The following CDH13 variants were observed in gnomAD, a reference collection of about 807,000 sequenced individuals.
CDH13 encodes cadherin 13.
CDH13 carries 24 observed loss-of-function variants against 63.8 expected under a neutral mutation model. The observed-to-expected ratio is 0.38, with a 90% CI of 0.27 to 0.53. The LOEUF (loss-of-function observed/expected upper bound fraction) is 0.53. Ranked by LOEUF, CDH13 falls within the 20% of genes least tolerant of loss-of-function variation. The pLI is 0.85. For synonymous variants in CDH13, 503 were observed against 355.3 expected (o/e 1.42, Z -4.67); for missense variants, 1,049 against 903.1 (o/e 1.16, Z -2.07).
At chr16:83,756,838 G>A (rs1913549771) in intron 11 of CDH13, among the ~76,000 whole-genome samples, 1 of 152,164 alleles carries the variant, frequency 6.6e-6, no homozygotes, top group African/African-American at 2.4e-5. Flanking sequence ...TACAATCATT[G>A]TGGGAGTCTT....
intron 1 of CDH13, among the ~76,000 whole-genome samples, chr16:82,652,452 T>G (rs987640337): frequency 6.6e-6 from 1 of 152,354 alleles, no homozygotes; most frequent in East Asian, 1.9e-4. Context: ...TCATCTGGTT[T>G]GAAGATAGAC....
intron 7 of CDH13, among the ~76,000 whole-genome samples, chr16:83,578,477 A>G (rs762828492): frequency 2.0e-5 from 3 of 152,210 alleles, no homozygotes; most frequent in East Asian, 1.9e-4. Context: ...CACAAATGTC[A>G]TGAGTGTTCA....
chr16:82,651,985 G>A (rs1910772634), intron 1 of CDH13, among the ~76,000 whole-genome samples: 1 of 152,236 alleles, frequency 6.6e-6, no homozygotes, highest in Non-Finnish European at 1.5e-5. Context: ...ACAAGTTGGA[G>A]CTTTTCGTCT....
At chr16:83,566,344 G>A (rs1298758083) in intron 7 of CDH13, among the ~76,000 whole-genome samples, 1 of 152,284 alleles carries the variant, frequency 6.6e-6, no homozygotes, top group East Asian at 1.9e-4. Flanking sequence ...CCAACATGGG[G>A]CAGGGGTGGC....
At chr16:83,344,112 T>C (rs1441030499) in intron 5 of CDH13, among the ~76,000 whole-genome samples, 1 of 152,224 alleles carries the variant, frequency 6.6e-6, no homozygotes, top group Non-Finnish European at 1.5e-5. Context: ...GAGGAAGTAT[T>C]ACTCTTATCG....
intron 6 of CDH13, among the ~76,000 whole-genome samples, chr16:83,346,247 G>A (rs1208934717): frequency 6.6e-6 from 1 of 152,170 alleles, no homozygotes; most frequent in Non-Finnish European, 1.5e-5. Flanking sequence ...GAGAGGGCAG[G>A]TGAAGGGAGG....
intron 4 of CDH13, among the ~76,000 whole-genome samples, chr16:83,130,392 C>T (rs990492062): frequency 3.3e-5 from 5 of 152,186 alleles, no homozygotes; most frequent in Admixed American, 6.5e-5. Context: ...TCAGGAAATA[C>T]TAAGCCCAAT....
At position 83,130,355 on chromosome 16, in the gene CDH13, C is replaced by T. The variant is rs530039370; in HGVS notation, c.483+4854C>T. On this transcript the variant is annotated intron_variant, in intron 4 of 13. Coordinates refer to ENST00000567109, the MANE Select transcript of CDH13 (RefSeq NM_001257.5). ...GCTTTGTTACTGCTTTTTGAGATTT[C>T]AAAGTCTGTGCTCTTAACCAGTATC... 2.0e-5 allele frequency among the ~76,000 whole-genome samples: 3 copies of T among 152,324 alleles called. 1 individual carries two copies. The South Asian group carries it at 6.2e-4, about 32-fold the overall frequency.
rs571162976 is a variant in CDH13, at chr16:83,796,078, A to G, written c.*1048A>G. Reference sequence around the variant, plus strand: ...AGTAAATACAGGTAGTTTTAAAAGTACCCTTTTGTGTGAATTGACTACCGT... The same window carrying G: ...AGTAAATACAGGTAGTTTTAAAAGTGCCCTTTTGTGTGAATTGACTACCGT... On this transcript the variant is annotated 3_prime_UTR_variant, in exon 14 of 14. Coordinates refer to ENST00000567109, the MANE Select transcript of CDH13 (RefSeq NM_001257.5). 1.0e-4 allele frequency: 16 copies of G among 152,754 alleles called. No homozygotes were observed. The highest frequency in any genetic ancestry group is 3.6e-4 in the African/African-American group (15 of 41,582). The allele number at this position is 152,754 out of a possible 1,614,324, so 9.5% of individuals were successfully genotyped here.
chr16:83,028,976 G>A (rs1916067576), intron 2 of CDH13, among the ~76,000 whole-genome samples: 1 of 152,154 alleles, frequency 6.6e-6, no homozygotes, highest in African/African-American at 2.4e-5. Flanking sequence ...TTTACAACCT[G>A]TGTGTACTGG....
At chr16:82,652,924 C>T (rs1384133666) in intron 1 of CDH13, among the ~76,000 whole-genome samples, 1 of 152,164 alleles carries the variant, frequency 6.6e-6, no homozygotes, top group Non-Finnish European at 1.5e-5. Flanking sequence ...CTTCATCCCA[C>T]TCCTTCATTA....
intron 8 of CDH13, among the ~76,000 whole-genome samples, chr16:83,615,913 G>A (rs1304309811): frequency 1.3e-5 from 2 of 152,150 alleles, no homozygotes; most frequent in Non-Finnish European, 2.9e-5. Flanking sequence ...AAAGGGGTGA[G>A]TTCATCACTT....
At chr16:83,788,709 A>C (rs1312077502) in intron 13 of CDH13, among the ~76,000 whole-genome samples, 1 of 152,218 alleles carries the variant, frequency 6.6e-6, no homozygotes. Flanking sequence ...AGACAGGCAC[A>C]GGTACACTAG....
chr16:82,979,678 C>A (rs990907487), intron 2 of CDH13, among the ~76,000 whole-genome samples: 7 of 152,178 alleles, frequency 4.6e-5, no homozygotes, highest in African/African-American at 1.7e-4. Flanking sequence ...AAACCTCTTT[C>A]CTTTATAAAT....
At chr16:82,740,409 C>T (rs543655586) in intron 1 of CDH13, among the ~76,000 whole-genome samples, 1 of 152,210 alleles carries the variant, frequency 6.6e-6, no homozygotes, top group African/African-American at 2.4e-5. Context: ...ATTAGCCCAA[C>T]CCGCTTTCTT....
chr16:82,705,081 T>C (rs1051619858), intron 1 of CDH13: 1 of 455,480 alleles, frequency 2.2e-6, no homozygotes, highest in Non-Finnish European at 4.4e-6. Context: ...AGGCCTACCA[T>C]ATACCTATGT....
chr16:82,702,207 G>A (rs1355321877), intron 1 of CDH13, among the ~76,000 whole-genome samples: 4 of 152,122 alleles, frequency 2.6e-5, no homozygotes, highest in African/African-American at 9.7e-5. Context: ...TGTTGCAGAT[G>A]TGTTCACTCT....
chr16:83,305,374 C>T (rs549310754), intron 5 of CDH13, among the ~76,000 whole-genome samples: 1 of 152,312 alleles, frequency 6.6e-6, no homozygotes, highest in African/African-American at 2.4e-5. Context: ...CAGAAAGCAT[C>T]CTGCTTGGGC....
At chr16:83,663,814 C>G (rs1444656505) in intron 8 of CDH13, among the ~76,000 whole-genome samples, 3 of 152,076 alleles carry the variant, frequency 2.0e-5, no homozygotes, top group Non-Finnish European at 4.4e-5. Flanking sequence ...GTCTCTGACA[C>G]CACTCCGCAT....
Sources: allele counts gnomAD v4.1 joint callset (sites outside exome capture counted in the v4.1 genomes callset), GRCh38; gene constraint gnomAD v4.1.1; transcripts MANE v1.5; gene names NCBI Gene and HGNC (gene_info 2026-07-23, HGNC 2026-07-21).